The following TTC33 variants were observed in gnomAD, a reference collection of about 807,000 sequenced individuals.
TTC33 encodes tetratricopeptide repeat domain 33, also known as tetratricopeptide repeat protein 33.
In TTC33, 24 loss-of-function variants were observed where a neutral mutation model predicts 29.4. That is an observed-to-expected ratio of 0.82 (90% CI 0.59 to 1.15). TTC33 has a LOEUF of 1.15. TTC33 is among the 50% of genes most tolerant of loss of function. TTC33 has a pLI of 0.00. For synonymous variants in TTC33, 107 were observed against 100.3 expected (o/e 1.07, Z -0.40); for missense variants, 286 against 310.4 (o/e 0.92, Z 0.59).
chr5:40,715,597 T>C lies in TTC33; in HGVS notation c.*548A>G, dbSNP rs1020869736. 2 of 152,382 alleles carry C rather than the reference T, an allele frequency of 1.3e-5. No homozygotes were observed. Among genetic ancestry groups the C allele is most frequent in the African/African-American group, 4.8e-5 (2 of 41,474 alleles). The allele number at this position is 152,382 out of a possible 1,614,324, so 9.4% of individuals were successfully genotyped here. On this transcript the variant is annotated 3_prime_UTR_variant, in exon 5 of 5. Transcript: ENST00000337702. ...TCAGAAAATGTTCAGAATGTACACA[T>C]TTGTGTGCATTTTCAGCCAAACTTT... is the stretch of plus-strand genomic sequence containing the variant.
chr5:40,748,069 C>T (rs565287143), intron 1 of TTC33, among the ~76,000 whole-genome samples: 5 of 152,282 alleles, frequency 3.3e-5, no homozygotes, highest in South Asian at 4.1e-4. Flanking sequence ...TTAGGAGATC[C>T]GCCCACCTCG....
At chr5:40,729,180 T>C (rs1742365499) in intron 3 of TTC33, among the ~76,000 whole-genome samples, 1 of 152,202 alleles carries the variant, frequency 6.6e-6, no homozygotes, top group Non-Finnish European at 1.5e-5. Context: ...ATATACATAT[T>C]TAAGATTGAA....
At chr5:40,725,063 T>C (rs1742249276) in intron 4 of TTC33, among the ~76,000 whole-genome samples, 1 of 151,814 alleles carries the variant, frequency 6.6e-6, no homozygotes, top group African/African-American at 2.4e-5. Context: ...GCCAGGCTGG[T>C]CTCAAAACTC....
intron 4 of TTC33, among the ~76,000 whole-genome samples, chr5:40,721,590 A>G (rs1742135938): frequency 6.6e-6 from 1 of 152,198 alleles, no homozygotes; most frequent in Non-Finnish European, 1.5e-5. Flanking sequence ...ATCTTACACC[A>G]TAAACAAAAG....
chr5:40,723,615 A>C (rs1440160168), intron 4 of TTC33, among the ~76,000 whole-genome samples: 1 of 152,170 alleles, frequency 6.6e-6, no homozygotes, highest in Non-Finnish European at 1.5e-5. Flanking sequence ...CTATAATCCC[A>C]GCACTGTGGG....
chr5:40,721,249 G>C (rs764745468), intron 4 of TTC33, among the ~76,000 whole-genome samples: 6 of 152,182 alleles, frequency 3.9e-5, no homozygotes, highest in Non-Finnish European at 7.4e-5. Context: ...ATTTGGGCTG[G>C]AAGTTGCTAT....
chr5:40,727,649 ATCTATCAGCGGTTTTG>A (rs1742318185), intron 4 of TTC33, among the ~76,000 whole-genome samples: 1 of 152,172 alleles, frequency 6.6e-6, no homozygotes, highest in African/African-American at 2.4e-5. Context: ...CCCCTGTATA[ATCTATCAGCGGTTTTG>A]TCTCCACAGT....
At position 40,714,432 on chromosome 5, in the gene TTC33, T is replaced by C. The variant is rs1268373700; in HGVS notation, c.*1713A>G. On this transcript the variant is annotated 3_prime_UTR_variant, in exon 5 of 5. Coordinates refer to ENST00000337702, the MANE Select transcript of TTC33 (RefSeq NM_012382.3). ...AGACACTAAGTAGATCAATCTAATT[T>C]TTCAAAAGCTAACAACATAAAATAA... 1 of 152,182 alleles carries C rather than the reference T, an allele frequency of 6.6e-6. No homozygotes were observed. The highest frequency in any genetic ancestry group is 1.5e-5 in the Non-Finnish European group (1 of 67,996). 9.4% of individuals were successfully genotyped at this position (152,182 alleles called of 1,614,324 possible).
At chr5:40,746,773 TA>T (rs534963724) in intron 2 of TTC33, 24 bp downstream of exon 2, 696 of 1,314,694 alleles carry the variant, frequency 5.3e-4, no homozygotes, top group Non-Finnish European at 6.1e-4. Flanking sequence ...CTCTTCTCCA[TA>T]AAAAAAAAAC....
chr5:40,752,470 C>T (rs1337787069), intron 1 of TTC33, among the ~76,000 whole-genome samples: 1 of 152,206 alleles, frequency 6.6e-6, no homozygotes, highest in Non-Finnish European at 1.5e-5. Context: ...GTAACTCTTC[C>T]TTTCACTTGG....
intron 2 of TTC33, among the ~76,000 whole-genome samples, chr5:40,742,910 G>A (rs532835885): frequency 6.6e-6 from 1 of 152,186 alleles, no homozygotes; most frequent in African/African-American, 2.4e-5. Context: ...AACGTTTTTA[G>A]CCATAATACA....
intron 4 of TTC33, among the ~76,000 whole-genome samples, chr5:40,723,907 G>T (rs1253402085): frequency 1.3e-5 from 2 of 152,104 alleles, no homozygotes; most frequent in African/African-American, 4.8e-5. Flanking sequence ...TGTCAGTGAG[G>T]TTATGGAGAA....
intron 4 of TTC33, among the ~76,000 whole-genome samples, chr5:40,722,643 T>C (rs1742168098): frequency 6.6e-6 from 1 of 150,740 alleles, no homozygotes; most frequent in Non-Finnish European, 1.5e-5. Context: ...CTGCCCCGTC[T>C]GGGAAGTGAG....
At chr5:40,729,286 G>A (rs572175108) in intron 3 of TTC33, among the ~76,000 whole-genome samples, 2 of 152,286 alleles carry the variant, frequency 1.3e-5, no homozygotes, top group South Asian at 2.1e-4. Flanking sequence ...GGTGACAAAT[G>A]TGTGTCCTAT....
chr5:40,723,485 A>C (rs919574469), intron 4 of TTC33, among the ~76,000 whole-genome samples: 3 of 150,370 alleles, frequency 2.0e-5, no homozygotes, highest in African/African-American at 7.4e-5. Context: ...GCATAGGTTT[A>C]ACAATTAAAT....
rs760944507 is a variant in TTC33, at chr5:40,716,147, A to G, written c.787T>C (p.Ter263ArgextTer8). Residue 263 changes from the stop codon to arginine, a stop_lost, in exon 5 of 5, where the codon TGA becomes CGA. Transcript: ENST00000337702. ...PDGSVFIKAR[*>R] ...CAAATAATCCTATGCATACTGCTTC[A>G]TCGGGCTTTGATAAAAACAGAGCCA... is the stretch of plus-strand genomic sequence containing the variant. 1.3e-6 allele frequency: 2 copies of G among 1,595,980 alleles called. No homozygotes were observed. Among genetic ancestry groups the G allele is most frequent in the Non-Finnish European group, 1.7e-6 (2 of 1,169,602 alleles).
rs542709791 is a variant in TTC33, at chr5:40,730,467, G to A, written c.222-124C>T. The stretch of plus-strand genomic sequence containing the variant: ...CTTAACCATTTAAGTGTACAGTTCA[G>A]AGGCATTAAGTAGCATTAAGTACAT... On this transcript the variant is annotated intron_variant, in intron 2 of 4. Transcript: ENST00000337702. 4 of 669,132 alleles carry A rather than the reference G, an allele frequency of 6.0e-6. No homozygotes were observed. In the East Asian group the frequency reaches 8.3e-5, roughly 14 times the overall value. 41.4% of individuals were successfully genotyped at this position (669,132 alleles called of 1,614,324 possible).
intron 2 of TTC33, among the ~76,000 whole-genome samples, chr5:40,742,408 C>G (rs1561153136): frequency 6.6e-6 from 1 of 152,112 alleles, no homozygotes; most frequent in Non-Finnish European, 1.5e-5. Flanking sequence ...AAATTCATGT[C>G]ACCATCACAA....
At chr5:40,739,788 C>G (rs1742655191) in intron 2 of TTC33, among the ~76,000 whole-genome samples, 3 of 152,162 alleles carry the variant, frequency 2.0e-5, no homozygotes, top group Admixed American at 6.5e-5. Context: ...TGAGGACAAA[C>G]TAATACAAGT....
Sources: allele counts gnomAD v4.1 joint callset (sites outside exome capture counted in the v4.1 genomes callset), GRCh38; gene constraint gnomAD v4.1.1; transcripts MANE v1.5; gene names NCBI Gene and HGNC (gene_info 2026-07-23, HGNC 2026-07-21).